DMD: variants seen among roughly 807,000 people sequenced by gnomAD.
DMD encodes mutant dystrophin.
Under a neutral mutation model 330.1 loss-of-function variants are expected in DMD, and 63 were observed. That is an observed-to-expected ratio of 0.19 (90% CI 0.16 to 0.24). The LOEUF (loss-of-function observed/expected upper bound fraction) is 0.24. Ranked by LOEUF, DMD falls within the 10% of genes least tolerant of loss-of-function variation. The pLI, the probability that DMD is intolerant of heterozygous loss-of-function variation, is 1.00. For missense variants in DMD, 3,344 were observed against 2,684.1 expected (o/e 1.25, Z -5.43); for synonymous variants, 1,223 against 959.8 (o/e 1.27, Z -5.07).
At position 32,070,855 on chromosome X, in the gene DMD, T is replaced by G. The variant is rs185014354; in HGVS notation, c.6439-102341A>C. ...GGGTGCCGAGGGACAAAAGATAACA[T>G]ATATGGTGCAGTGTATACTACTCGT... On this transcript the variant is annotated intron_variant, in intron 44 of 78. Coordinates refer to ENST00000357033, the MANE Select transcript of DMD (RefSeq NM_004006.3). Among the ~76,000 whole-genome samples the G allele has an allele frequency of 9.0e-5, 10 of 110,697 alleles. No homozygotes were observed. In the East Asian group the frequency reaches 2.9e-3, roughly 32 times the overall value.
At chrX:31,451,433 C>T (rs958231924) in intron 59 of DMD, among the ~76,000 whole-genome samples, 2 of 108,350 alleles carry the variant, frequency 1.8e-5, no homozygotes, top group African/African-American at 6.7e-5. Context: ...CAGGTGCCCG[C>T]CACCACGCCT....
In DMD at chrX:31,792,822, C is replaced by T. The variant is rs766233322; in HGVS notation, c.7310-18630G>A. On this transcript the variant is annotated intron_variant, in intron 50 of 78. Coordinates refer to ENST00000357033, the MANE Select transcript of DMD (RefSeq NM_004006.3). ...TGTTAGCTCTGCCATCCACGGACAG[C>T]TTAGGCGTTAACAGCTCAGTGGGCC... Among the ~76,000 whole-genome samples the T allele has an allele frequency of 1.8e-3, 206 of 111,779 alleles. 1 individual carries two copies. The highest frequency in any genetic ancestry group is 2.3e-3 in the Non-Finnish European group (122 of 53,170).
At chrX:31,907,419 A>G (rs757103680) in intron 47 of DMD, among the ~76,000 whole-genome samples, 1 of 111,827 alleles carries the variant, frequency 8.9e-6, no homozygotes, top group Admixed American at 9.5e-5. Flanking sequence ...CACATCTACA[A>G]CTATCTGATC....
At chrX:32,876,921 A>C (rs1466838696) in intron 2 of DMD, among the ~76,000 whole-genome samples, 1 of 112,245 alleles carries the variant, frequency 8.9e-6, no homozygotes, top group Non-Finnish European at 1.9e-5. Context: ...AGGTACATTT[A>C]AACTTTAAGA....
At chrX:31,565,448 T>C (rs902289136) in intron 55 of DMD, among the ~76,000 whole-genome samples, 5 of 112,478 alleles carry the variant, frequency 4.4e-5, no homozygotes, top group Non-Finnish European at 7.5e-5. Flanking sequence ...GAGATTGATC[T>C]AAAAGTTGTT....
intron 62 of DMD, among the ~76,000 whole-genome samples, chrX:31,308,686 G>A (rs185446553): frequency 9.2e-4 from 102 of 111,031 alleles, no homozygotes; most frequent in African/African-American, 3.2e-3. Context: ...TGTTGGGACT[G>A]CAGGCATAAG....
rs185258951 is a variant in DMD at position 32,342,311 on chromosome X, G to C, written c.5740-29C>G. The C allele has an allele frequency of 9.0e-4, 1,087 of 1,203,513 alleles. 1 individual carries two copies. The African/African-American group carries it at 0.014, about 15-fold the overall frequency. ...TTGAGCAAAACCAATACAGGGCCCA[G>C]GGCAGTTAGCTAACCACATCAACCG... On this transcript the variant is annotated intron_variant, in intron 40 of 78. Transcript: ENST00000357033.
intron 9 of DMD, among the ~76,000 whole-genome samples, chrX:32,662,166 T>A (rs2060989432): frequency 9.0e-6 from 1 of 111,684 alleles, no homozygotes; most frequent in Non-Finnish European, 1.9e-5. Flanking sequence ...TCCTACAAAC[T>A]CAGTACATAT....
intron 74 of DMD, among the ~76,000 whole-genome samples, chrX:31,156,594 T>C (rs757088447): frequency 1.8e-5 from 2 of 111,869 alleles, no homozygotes; most frequent in African/African-American, 6.5e-5. Flanking sequence ...CTAATTCAGT[T>C]ATGAGGATTA....
intron 9 of DMD, among the ~76,000 whole-genome samples, chrX:32,679,433 G>C (rs1271484271): frequency 9.0e-6 from 1 of 111,470 alleles, no homozygotes; most frequent in Non-Finnish European, 1.9e-5. Context: ...TTACTGAATG[G>C]AAATTGTCAC....
intron 30 of DMD, among the ~76,000 whole-genome samples, chrX:32,405,879 C>T (rs1408064446): frequency 1.8e-5 from 2 of 111,749 alleles, no homozygotes; most frequent in African/African-American, 6.5e-5. Flanking sequence ...ACTTCCTACC[C>T]ATGAGCATGG....
chrX:32,419,816 G>A (rs181924261), intron 29 of DMD, among the ~76,000 whole-genome samples: 217 of 111,943 alleles, frequency 1.9e-3, no homozygotes, highest in Non-Finnish European at 2.8e-3. Context: ...TGAAAGTAAC[G>A]TTTGGGAATC....
chrX:31,623,278 T>C (rs776832728), intron 55 of DMD, among the ~76,000 whole-genome samples: 3 of 111,551 alleles, frequency 2.7e-5, no homozygotes, highest in Admixed American at 9.5e-5. Context: ...TTTAATTTAT[T>C]TTTTTGAGAC....
At chrX:32,070,660 A>G (rs990897603) in intron 44 of DMD, among the ~76,000 whole-genome samples, 7 of 111,373 alleles carry the variant, frequency 6.3e-5, no homozygotes, top group African/African-American at 2.0e-4. Context: ...ATGAATTAAC[A>G]GCATTTGCAA....
intron 43 of DMD, among the ~76,000 whole-genome samples, chrX:32,233,274 AT>A (rs1263320985): frequency 9.0e-6 from 1 of 111,240 alleles, no homozygotes; most frequent in Non-Finnish European, 1.9e-5. Context: ...AAATGCCAGC[AT>A]TTGGATTTCA....
At chrX:32,412,463 A>C (rs368582095) in intron 29 of DMD, among the ~76,000 whole-genome samples, 1 of 112,120 alleles carries the variant, frequency 8.9e-6, no homozygotes, top group African/African-American at 3.2e-5. Flanking sequence ...TTTTCTCCCT[A>C]CTTTCTTTCA....
intron 45 of DMD, among the ~76,000 whole-genome samples, chrX:31,950,435 T>C (rs934326425): frequency 1.8e-5 from 2 of 111,454 alleles, no homozygotes; most frequent in Non-Finnish European, 3.8e-5. Context: ...AAATTTCATG[T>C]GCACTTTAAA....
intron 1 of DMD, among the ~76,000 whole-genome samples, chrX:33,173,121 C>T (rs1333781332): frequency 9.0e-6 from 1 of 111,245 alleles, no homozygotes; most frequent in Non-Finnish European, 1.9e-5. Context: ...CAGTCAATAA[C>T]TTAGTTTGTG....
intron 55 of DMD, 120 bp downstream of exon 55, chrX:31,627,553 C>A: frequency 2.8e-6 from 2 of 725,258 alleles, no homozygotes; most frequent in Non-Finnish European, 4.2e-6. Flanking sequence ...TACCGAAATA[C>A]ATCAGGCTGT....
Sources: allele counts gnomAD v4.1 joint callset (sites outside exome capture counted in the v4.1 genomes callset), GRCh38; gene constraint gnomAD v4.1.1; transcripts MANE v1.5; gene names NCBI Gene and HGNC (gene_info 2026-07-23, HGNC 2026-07-21).